Variants in RIMKLB observed in about 807,000 individuals in gnomAD.
RIMKLB encodes ribosomal modification protein rimK like family member B.
Under a neutral mutation model 32.0 loss-of-function variants are expected in RIMKLB, and 7 were observed. The observed-to-expected ratio is 0.22, with a 90% confidence interval of 0.12 to 0.41. RIMKLB has a LOEUF of 0.41. RIMKLB is among the 10% of genes least tolerant of loss of function. The pLI, the probability that RIMKLB is intolerant of heterozygous loss-of-function variation, is 1.00. For missense variants in RIMKLB, 289 were observed against 498.7 expected (o/e 0.58, Z 4.00); for synonymous variants, 172 against 185.1 (o/e 0.93, Z 0.57).
At chr12:8,757,143 A>T in intron 5 of RIMKLB, among the ~76,000 whole-genome samples, 1 of 152,130 alleles carries the variant, frequency 6.6e-6, no homozygotes, top group East Asian at 1.9e-4. Context: ...TTGAGATTTA[A>T]TTAATAGTTA....
At chr12:8,710,198 C>A (rs917792840) in intron 1 of RIMKLB, among the ~76,000 whole-genome samples, 7 of 150,506 alleles carry the variant, frequency 4.7e-5, no homozygotes, top group African/African-American at 1.7e-4. Flanking sequence ...TTAATCATGT[C>A]AGCCAGGCTG....
intron 1 of RIMKLB, among the ~76,000 whole-genome samples, chr12:8,711,173 G>A (rs1424412544): frequency 6.6e-6 from 1 of 151,888 alleles, no homozygotes; most frequent in African/African-American, 2.4e-5. Context: ...GACAGAAGTT[G>A]CAGTGAGCCA....
chr12:8,750,246 T>G (rs1565613736), intron 3 of RIMKLB, among the ~76,000 whole-genome samples, 154 bp downstream of exon 3: 1 of 152,220 alleles, frequency 6.6e-6, no homozygotes, highest in Non-Finnish European at 1.5e-5. Context: ...AAGATTTGTT[T>G]CATATTATGG....
At chr12:8,756,992 ATTC>A (rs1225942608) in intron 5 of RIMKLB, among the ~76,000 whole-genome samples, 1 of 151,928 alleles carries the variant, frequency 6.6e-6, no homozygotes, top group Admixed American at 6.6e-5. Flanking sequence ...CCTACTTCCT[ATTC>A]TTGAAAAATG....
chr12:8,780,169 T>C (rs1950949343), downstream of RIMKLB: 1 of 152,256 alleles, frequency 6.6e-6, no homozygotes, highest in African/African-American at 2.4e-5. Context: ...TTTATATTGC[T>C]GCATCTTCCA....
chr12:8,718,669 A>ATATGTG (rs1374109485), intron 2 of RIMKLB, among the ~76,000 whole-genome samples: 2 of 116,206 alleles, frequency 1.7e-5, no homozygotes, highest in South Asian at 5.9e-4. Flanking sequence ...ATATATATAT[A>ATATGTG]TGTGTGTGTG....
At chr12:8,719,394 G>A (rs1334872393) in intron 2 of RIMKLB, among the ~76,000 whole-genome samples, 5 of 152,058 alleles carry the variant, frequency 3.3e-5, no homozygotes, top group Non-Finnish European at 5.9e-5. Context: ...TTGAGATGGA[G>A]TTTCGCTCTT....
At chr12:8,752,771 G>A (rs1441828448) in intron 4 of RIMKLB, among the ~76,000 whole-genome samples, 1 of 149,084 alleles carries the variant, frequency 6.7e-6, no homozygotes, top group Non-Finnish European at 1.5e-5. Flanking sequence ...ATGGAGTTTT[G>A]CTCTTGTTGC....
Position 8,698,168 on chromosome 12 carries a change from G to C in RIMKLB, c.-186G>C, listed in dbSNP as rs1333013356. On this transcript the variant is annotated 5_prime_UTR_variant, in exon 1 of 6. Transcript: ENST00000535829. ...CAGTCGGCGGAGGAGAAAGGAGGCGGCTCCCGGTATCCCGACCCCCTCCCC... is the reference window on the plus strand; with the variant it reads ...CAGTCGGCGGAGGAGAAAGGAGGCGCCTCCCGGTATCCCGACCCCCTCCCC... 3 of 330,416 alleles carry C rather than the reference G, an allele frequency of 9.1e-6. No individual in the cohort carries two copies. The highest frequency in any genetic ancestry group is 1.2e-5 in the Non-Finnish European group (2 of 164,920). The allele number at this position is 330,416 out of a possible 1,614,324, so 20.5% of individuals were successfully genotyped here. A position where few individuals can be genotyped will look rare whatever the true frequency, so the allele number is the denominator to read the frequency against.
upstream of RIMKLB, among the ~76,000 whole-genome samples, chr12:8,696,998 G>GT (rs965172728): frequency 2.0e-5 from 3 of 152,056 alleles, no homozygotes; most frequent in Non-Finnish European, 4.4e-5. Context: ...TAATAGCGTA[G>GT]TTGAACATTC....
chr12:8,761,272 CAAAA>C (rs35464055), intron 5 of RIMKLB, among the ~76,000 whole-genome samples: 18 of 55,876 alleles, frequency 3.2e-4, no homozygotes, highest in African/African-American at 4.2e-4. Flanking sequence ...GGGGAGATAG[CAAAA>C]AAAAAAAAAA....
At chr12:8,730,339 C>T (rs1334496576) in intron 2 of RIMKLB, among the ~76,000 whole-genome samples, 1 of 152,218 alleles carries the variant, frequency 6.6e-6, no homozygotes, top group South Asian at 2.1e-4. Context: ...AGTCCTGCCT[C>T]AGCCTCCCAA....
chr12:8,732,647 T>C (rs1466290853), intron 2 of RIMKLB, among the ~76,000 whole-genome samples: 1 of 152,164 alleles, frequency 6.6e-6, no homozygotes, highest in Non-Finnish European at 1.5e-5. Context: ...AAAGTACTAA[T>C]GGCATAATTA....
At chr12:8,755,595 A>G (rs2137854096) in intron 5 of RIMKLB, among the ~76,000 whole-genome samples, 1 of 152,296 alleles carries the variant, frequency 6.6e-6, no homozygotes, top group Admixed American at 6.5e-5. Context: ...TATTTGGATT[A>G]CCTACAGTAG....
intron 1 of RIMKLB, among the ~76,000 whole-genome samples, chr12:8,691,938 C>T (rs985620604): frequency 2.0e-5 from 3 of 152,116 alleles, no homozygotes; most frequent in Admixed American, 2.0e-4. Flanking sequence ...ATTATCATTT[C>T]TCTGGTTGGA....
chr12:8,728,345 A>G (rs772508681), intron 2 of RIMKLB, among the ~76,000 whole-genome samples: 1 of 152,190 alleles, frequency 6.6e-6, no homozygotes, highest in Non-Finnish European at 1.5e-5. Flanking sequence ...TGGAGTAAAT[A>G]GGCCTTTAGT....
At chr12:8,765,395 C>T (rs894835876) in intron 5 of RIMKLB, among the ~76,000 whole-genome samples, 1 of 152,168 alleles carries the variant, frequency 6.6e-6, no homozygotes, top group Admixed American at 6.6e-5. Flanking sequence ...TGTTGTCATC[C>T]TATCATTGAC....
At position 8,684,820 on chromosome 12, in the gene RIMKLB, A is replaced by C. The variant is rs775155779; in HGVS notation, n.219+3002A>C. 1.1e-4 allele frequency among the ~76,000 whole-genome samples: 17 copies of C among 152,140 alleles called. No homozygotes were observed. In the East Asian group the frequency reaches 3.1e-3, roughly 28 times the overall value. On this transcript the variant is annotated intron_variant and non_coding_transcript_variant, in intron 1 of 1. Coordinates refer to the RIMKLB transcript ENST00000538758. ...GTATGTTTTGTAGAGACGGGGTTTC[A>C]CCACGTTGTCTAGGCTAGTCTTGAA...
At chr12:8,782,001 T>C (rs1232203394), downstream of RIMKLB, among the ~76,000 whole-genome samples, 1 of 151,312 alleles carries the variant, frequency 6.6e-6, no homozygotes, top group Non-Finnish European at 1.5e-5. Flanking sequence ...TCTTATCTTA[T>C]TTCAGCTTTT....
Sources: allele counts gnomAD v4.1 joint callset (sites outside exome capture counted in the v4.1 genomes callset), GRCh38; gene constraint gnomAD v4.1.1; transcripts MANE v1.5; gene names NCBI Gene and HGNC (gene_info 2026-07-23, HGNC 2026-07-21).